ZNF354C: variants seen among roughly 807,000 people sequenced by gnomAD.
The protein encoded by ZNF354C is KRAB-zinc finger protein synten.
ZNF354C carries 7 observed loss-of-function variants against 12.4 expected under a neutral mutation model. The observed-to-expected ratio is 0.56, with a 90% CI of 0.32 to 1.06. The LOEUF is 1.06. Among genes scored for constraint, ZNF354C ranks in the 50% least tolerant of loss-of-function variants. The probability of loss-of-function intolerance (pLI) is 0.04; values close to 1 mark genes in which losing one functional copy is unlikely to be tolerated. For synonymous variants in ZNF354C, 202 were observed against 224.5 expected (o/e 0.90, Z 0.90); for missense variants, 609 against 658.0 (o/e 0.93, Z 0.81).
In ZNF354C at chr5:179,080,261, CTTG is replaced by C. The variant is rs1417593204; in HGVS notation, c.*167_*169del. 2 of 466,308 alleles carry C rather than the reference CTTG, an allele frequency of 4.3e-6. No individual in the cohort carries two copies. The highest frequency in any genetic ancestry group is 3.4e-5 in the East Asian group (1 of 29,358). 28.9% of individuals were successfully genotyped at this position (466,308 alleles called of 1,614,324 possible). A position where few individuals can be genotyped will look rare whatever the true frequency, so the allele number is the denominator to read the frequency against. ...TCAGTGAGACTATGAAGAGCACTGA[CTTG>C]TTAAATTTTAAAAGAACCATAAATT... is the stretch of plus-strand genomic sequence containing the variant. On this transcript the variant is annotated 3_prime_UTR_variant, in exon 5 of 5. Transcript: ENST00000315475.
intron 2 of ZNF354C, among the ~76,000 whole-genome samples, chr5:179,069,038 G>A (rs1750674080): frequency 6.6e-6 from 1 of 152,176 alleles, no homozygotes; most frequent in African/African-American, 2.4e-5. Flanking sequence ...TAAAGATCTT[G>A]TTTCCAAATA....
At chr5:179,078,599 A>G (rs1390144219) in intron 4 of ZNF354C, 84 bp from the exon 5 acceptor site, 1 of 1,042,812 alleles carries the variant, frequency 9.6e-7, no homozygotes, top group Non-Finnish European at 1.4e-6. Flanking sequence ...TTTCATATAT[A>G]CTGTTACCAG....
intron 4 of ZNF354C, among the ~76,000 whole-genome samples, chr5:179,077,481 T>TA (rs1210435819): frequency 6.6e-6 from 1 of 152,248 alleles, no homozygotes; most frequent in East Asian, 1.9e-4. Context: ...TTCAGGACTT[T>TA]AAGACATACT....
Position 179,079,863 on chromosome 5 carries a change from C to A in ZNF354C, c.1431C>A (p.Phe477Leu), listed in dbSNP as rs1203063815. 1 of 1,613,892 alleles carries A rather than the reference C, an allele frequency of 6.2e-7. No homozygotes were observed. The highest frequency in any genetic ancestry group is 8.5e-7 in the Non-Finnish European group (1 of 1,179,940). Reference protein sequence around the residue: ...PYQCNQCGKAFSQYSFLTEHE... With the variant: ...PYQCNQCGKALSQYSFLTEHE... ...AGTGTAATCAGTGTGGAAAGGCCTT[C>A]AGCCAGTATTCATTTTTAACCGAAC... The change falls in exon 5 of 5, where the codon TTC (phenylalanine) becomes TTA (leucine). Residue 477 changes from phenylalanine to leucine, a missense_variant. Physicochemically the swap from Phe to Leu is conservative, Grantham distance 22 (BLOSUM62 0). Coordinates refer to ENST00000315475, the MANE Select transcript of ZNF354C (RefSeq NM_014594.3). The surrounding 1 kb of genome is among the most constrained non-coding windows in gnomAD (Gnocchi z 4.2).
chr5:179,077,123 T>C lies in ZNF354C; in HGVS notation c.207T>C (p.Asp69=). The change falls in exon 4 of 5, where the codon GAT becomes GAC. Residue 69 remains aspartate (D), a synonymous_variant. Coordinates refer to ENST00000315475, the MANE Select transcript of ZNF354C (RefSeq NM_014594.3). The part of the protein sequence containing the change: ...KLIHQLQQGE[D]PCMVEREVPS... ...TTCATCAGTTGCAGCAAGGAGAAGA[T>C]CCCTGCATGGTGGAAAGAGAAGTCC... 6.2e-7 allele frequency: 1 copy of C among 1,614,192 alleles called. No homozygotes were observed. Among genetic ancestry groups the C allele is most frequent in the Non-Finnish European group, 8.5e-7 (1 of 1,180,034 alleles).
chr5:179,079,255 A>T lies in ZNF354C; in HGVS notation c.823A>T (p.Asn275Tyr). 1 of 1,614,146 alleles carries T rather than the reference A, an allele frequency of 6.2e-7. No individual in the cohort carries two copies. Among genetic ancestry groups the T allele is most frequent in the Non-Finnish European group, 8.5e-7 (1 of 1,180,024 alleles). The change falls in exon 5 of 5, where the codon AAT becomes TAT. Residue 275 changes from asparagine to tyrosine, a missense_variant. Coordinates refer to ENST00000315475, the MANE Select transcript of ZNF354C (RefSeq NM_014594.3). This position sits in a 1 kb window ranked among gnomAD's most constrained non-coding sequence, Gnocchi z 4.2. The part of the protein sequence containing the change: ...IHTGEKPYKC[N>Y]ECEKAFSNSS... ...TACTGGAGAGAAACCTTACAAGTGT[A>T]ATGAATGTGAGAAGGCATTTAGCAA... is the stretch of plus-strand genomic sequence containing the variant.
intron 2 of ZNF354C, among the ~76,000 whole-genome samples, chr5:179,068,100 G>A (rs1761983062): frequency 6.6e-6 from 1 of 151,242 alleles, no homozygotes; most frequent in Admixed American, 6.7e-5. Context: ...GTTCAAGGCT[G>A]TAGTGAGCTA....
rs1436015095 is a variant in ZNF354C, at chr5:179,060,626, C to T, written c.-95C>T. On this transcript the variant is annotated 5_prime_UTR_variant, in exon 1 of 5. Coordinates refer to ENST00000315475, the MANE Select transcript of ZNF354C (RefSeq NM_014594.3). The surrounding 1 kb of genome is among the most constrained non-coding windows in gnomAD (Gnocchi z 4.2). ...GTCCCGGGGCGCCGTCCGCGAGCGG[C>T]CTGGACTGCCGGAGACCCGCGGGAG... 6.6e-6 allele frequency: 1 copy of T among 152,358 alleles called. No homozygotes were observed. Among genetic ancestry groups the T allele is most frequent in the Non-Finnish European group, 1.5e-5 (1 of 68,152 alleles). The allele number at this position is 152,358 out of a possible 1,614,324, so 9.4% of individuals were successfully genotyped here.
Position 179,082,915 on chromosome 5 carries a change from ACTC to A in ZNF354C, c.*2820_*2822del, listed in dbSNP as rs1278497109. Reference sequence around the variant, plus strand: ...GTGCGCTGATGAAGAATCACGGAGAACTCCACCTCATCTCCTGCCTGGAGCTCA... The same window carrying A: ...GTGCGCTGATGAAGAATCACGGAGAACACCTCATCTCCTGCCTGGAGCTCA... On this transcript the variant is annotated 3_prime_UTR_variant, in exon 5 of 5. Coordinates refer to ENST00000315475, the MANE Select transcript of ZNF354C (RefSeq NM_014594.3). The A allele has an allele frequency of 8.4e-6, 8 of 956,946 alleles. No individual in the cohort carries two copies. In the African/African-American group the frequency reaches 1.3e-4, roughly 15 times the overall value. The allele number at this position is 956,946 out of a possible 1,614,324, so 59.3% of individuals were successfully genotyped here.
In ZNF354C at chr5:179,066,229, C is replaced by T. The variant is rs182687794; in HGVS notation, c.27+4134C>T. On this transcript the variant is annotated intron_variant, in intron 2 of 4. Coordinates refer to ENST00000315475, the MANE Select transcript of ZNF354C (RefSeq NM_014594.3). ...TTTTCAATATAAATTTACAACTAAT[C>T]GAAGTCCACCTTCAAATAACATACT... 2.0e-4 allele frequency among the ~76,000 whole-genome samples: 31 copies of T among 152,286 alleles called. No individual in the cohort carries two copies. The East Asian group carries it at 5.4e-3, about 27-fold the overall frequency.
intron 1 of ZNF354C, among the ~76,000 whole-genome samples, 159 bp from the exon 2 acceptor site, chr5:179,061,856 C>T (rs1761898520): frequency 6.6e-6 from 1 of 152,130 alleles, no homozygotes; most frequent in African/African-American, 2.4e-5. Context: ...GTAGGGTTGG[C>T]ACATTGCCCT....
chr5:179,075,323 G>T (rs1394013529), intron 2 of ZNF354C, among the ~76,000 whole-genome samples: 1 of 151,882 alleles, frequency 6.6e-6, no homozygotes, highest in Admixed American at 6.6e-5. Context: ...TCAGGAGGCT[G>T]AGGCAGGAGA....
At chr5:179,068,442 A>T (rs1463985281) in intron 2 of ZNF354C, among the ~76,000 whole-genome samples, 1 of 152,218 alleles carries the variant, frequency 6.6e-6, no homozygotes, top group African/African-American at 2.4e-5. Context: ...AGTCTGGAAT[A>T]CATTTCTAAA....
At chr5:179,077,000 G>A in intron 3 of ZNF354C, 71 bp from the exon 4 acceptor site, 1 of 1,333,104 alleles carries the variant, frequency 7.5e-7, no homozygotes, top group South Asian at 1.2e-5. Context: ...GGTTCAGAGT[G>A]AGTAGTAGGT....
rs76850760 is a variant in ZNF354C, at chr5:179,083,905, G to A, written c.*3808G>A. 5.3e-3 allele frequency among the ~76,000 whole-genome samples: 807 copies of A among 151,468 alleles called. 10 individuals carry two copies. The highest frequency in any genetic ancestry group is 0.018 in the African/African-American group (753 of 41,246). On this transcript the variant is annotated 3_prime_UTR_variant, in exon 5 of 5. Transcript: ENST00000315475. ...CCTTCACTCTGGGCAGAGGATTTGT[G>A]AGCCAAAAAGGGTTAGGAGACTCCC...
At position 179,082,959 on chromosome 5, in the gene ZNF354C, T is replaced by A. The variant is rs1762249280; in HGVS notation, c.*2862T>A. The A allele has an allele frequency of 4.8e-6, 4 of 831,810 alleles. No individual in the cohort carries two copies. In the South Asian group the frequency reaches 5.9e-5, roughly 12 times the overall value. The allele number at this position is 831,810 out of a possible 1,614,324, so 51.5% of individuals were successfully genotyped here. On this transcript the variant is annotated 3_prime_UTR_variant, in exon 5 of 5. Coordinates refer to ENST00000315475, the MANE Select transcript of ZNF354C (RefSeq NM_014594.3). ...CTGGAGCTCAAGGCCATCCTCAACT[T>A]CTTTCATATGGAAAAAGAGCTTCTT...
chr5:179,080,035 T>A lies in ZNF354C; in HGVS notation c.1603T>A (p.Cys535Ser), dbSNP rs1398557355. 6 of 1,610,702 alleles carry A rather than the reference T, an allele frequency of 3.7e-6. No individual in the cohort carries two copies. Among genetic ancestry groups the A allele is most frequent in the East Asian group, 2.2e-5 (1 of 44,868 alleles). ...KWKEYGKPFI[C>S]SSSLTQYQRF... ...GAAGGAATATGGGAAACCTTTCATC[T>A]GCAGCTCCTCACTTACCCAGTATCA... Residue 535 changes from cysteine (C) to serine (S), a missense_variant, in exon 5 of 5, where the codon TGC becomes AGC. Transcript: ENST00000315475.
intron 2 of ZNF354C, among the ~76,000 whole-genome samples, chr5:179,074,107 C>T (rs1457146972): frequency 2.0e-5 from 3 of 151,488 alleles, no homozygotes; most frequent in Non-Finnish European, 4.4e-5. Flanking sequence ...CTCAGCCTCC[C>T]GAGTAGCTGG....
At chr5:179,069,828 T>C (rs535587148) in intron 2 of ZNF354C, among the ~76,000 whole-genome samples, 3 of 152,138 alleles carry the variant, frequency 2.0e-5, no homozygotes, top group Admixed American at 1.3e-4. Flanking sequence ...ATTGCGCCCC[T>C]GCACTCCAGC....
Sources: allele counts gnomAD v4.1 joint callset (sites outside exome capture counted in the v4.1 genomes callset), GRCh38; gene constraint gnomAD v4.1.1; non-coding constraint Gnocchi (gnomAD v3.1); transcripts MANE v1.5; gene names NCBI Gene and HGNC (gene_info 2026-07-23, HGNC 2026-07-21).